The following SLC2A13 variants were observed in gnomAD, a reference collection of about 807,000 sequenced individuals.
SLC2A13 encodes solute carrier family 2 member 13.
A neutral mutation model predicts 64.4 loss-of-function variants in SLC2A13; 32 were observed. That is an observed-to-expected ratio of 0.50 (90% CI 0.37 to 0.67). The LOEUF (loss-of-function observed/expected upper bound fraction) is 0.67. SLC2A13 is among the 30% of genes least tolerant of loss of function. The pLI is 0.00. For missense variants in SLC2A13, 743 were observed against 829.2 expected (o/e 0.90, Z 1.28); for synonymous variants, 338 against 327.1 (o/e 1.03, Z -0.36).
At chr12:40,016,561 G>C (rs1404058898) in intron 3 of SLC2A13, among the ~76,000 whole-genome samples, 2 of 152,156 alleles carry the variant, frequency 1.3e-5, no homozygotes, top group African/African-American at 4.8e-5. Flanking sequence ...GTCATAGCTA[G>C]TGAAAATATA....
At position 39,756,639 on chromosome 12, in the gene SLC2A13, G is replaced by A. The variant is rs908340112; in HGVS notation, c.*3387C>T. On this transcript the variant is annotated 3_prime_UTR_variant, in exon 10 of 10. Coordinates refer to ENST00000280871, the MANE Select transcript of SLC2A13 (RefSeq NM_052885.4). ...ATTCTTCCATTTCCACCAACTTCTG[G>A]ATCTGTGAGTTATTCTAATATATTT... The A allele has an allele frequency of 1.3e-5, 2 of 151,572 alleles. No individual in the cohort carries two copies. Among genetic ancestry groups the A allele is most frequent in the East Asian group, 1.9e-4 (1 of 5,302 alleles). The allele number at this position is 151,572 out of a possible 1,614,324, so 9.4% of individuals were successfully genotyped here.
intron 4 of SLC2A13, among the ~76,000 whole-genome samples, chr12:39,946,531 TG>T (rs1351985107): frequency 6.6e-6 from 1 of 152,168 alleles, no homozygotes; most frequent in Non-Finnish European, 1.5e-5. Flanking sequence ...GGGCGGGTCT[TG>T]CTGTGGCTGC....
chr12:39,939,338 T>TA (rs1367555998), intron 4 of SLC2A13, among the ~76,000 whole-genome samples: 1 of 152,232 alleles, frequency 6.6e-6, no homozygotes, highest in East Asian at 1.9e-4. Flanking sequence ...TAGCTCGCTA[T>TA]AAAGGCATTC....
At chr12:39,976,113 C>A (rs559463289) in intron 3 of SLC2A13, among the ~76,000 whole-genome samples, 1 of 152,324 alleles carries the variant, frequency 6.6e-6, no homozygotes, top group Admixed American at 6.5e-5. Context: ...AAACAGACAG[C>A]CCACCCTTAG....
intron 1 of SLC2A13, among the ~76,000 whole-genome samples, chr12:40,056,049 C>T (rs994033814): frequency 6.6e-6 from 1 of 150,712 alleles, no homozygotes; most frequent in Non-Finnish European, 1.5e-5. Context: ...CACATCTCTA[C>T]AGAGCCACAT....
chr12:40,058,826 C>T (rs1425669311), intron 1 of SLC2A13, among the ~76,000 whole-genome samples: 1 of 152,168 alleles, frequency 6.6e-6, no homozygotes, highest in South Asian at 2.1e-4. Flanking sequence ...TTCTGAGAAA[C>T]AGACTCTACA....
At chr12:39,977,514 G>A (rs762871402) in intron 3 of SLC2A13, among the ~76,000 whole-genome samples, 1 of 152,160 alleles carries the variant, frequency 6.6e-6, no homozygotes, top group African/African-American at 2.4e-5. Flanking sequence ...CATCAAGAAC[G>A]GTTATTAAAT....
chr12:39,772,385 T>TATAGAA (rs1368358505), intron 7 of SLC2A13, among the ~76,000 whole-genome samples: 1 of 152,138 alleles, frequency 6.6e-6, no homozygotes, highest in African/African-American at 2.4e-5. Flanking sequence ...TATAAGGGCT[T>TATAGAA]GCCAAAAGAA....
Position 39,759,999 on chromosome 12 carries a change from A to C in SLC2A13, c.*27T>G, listed in dbSNP as rs146214269. ...GTTCTTCTCCCCCCAGTTTGTTTAA[A>C]TAACTAAATATATGAGCAGCTGAAA... is the stretch of plus-strand genomic sequence containing the variant. On this transcript the variant is annotated 3_prime_UTR_variant, in exon 10 of 10. Transcript: ENST00000280871. 4.6e-4 allele frequency: 732 copies of C among 1,578,748 alleles called. 1 individual carries two copies. Among genetic ancestry groups the C allele is most frequent in the Non-Finnish European group, 5.9e-4 (684 of 1,150,130 alleles).
At chr12:39,933,074 C>G (rs1945856683) in intron 4 of SLC2A13, among the ~76,000 whole-genome samples, 2 of 151,742 alleles carry the variant, frequency 1.3e-5, no homozygotes, top group Non-Finnish European at 2.9e-5. Flanking sequence ...AAAAAAAATA[C>G]AAAAATTAGC....
At chr12:39,895,931 T>C (rs1944803840) in intron 4 of SLC2A13, among the ~76,000 whole-genome samples, 1 of 151,016 alleles carries the variant, frequency 6.6e-6, no homozygotes, top group African/African-American at 2.4e-5. Context: ...TATGTGTATA[T>C]GTGTATATAT....
At chr12:39,931,025 TAATA>T (rs1229539612) in intron 4 of SLC2A13, among the ~76,000 whole-genome samples, 2 of 152,238 alleles carry the variant, frequency 1.3e-5, no homozygotes, top group South Asian at 4.1e-4. Context: ...ATTGGCCTTC[TAATA>T]AATATGTTAA....
At chr12:39,899,188 C>T (rs1368168081) in intron 4 of SLC2A13, among the ~76,000 whole-genome samples, 2 of 152,152 alleles carry the variant, frequency 1.3e-5, no homozygotes, top group Admixed American at 6.6e-5. Context: ...AGAGATTGAA[C>T]TTCTTCCTGG....
At chr12:39,882,222 T>G (rs1944356710) in intron 4 of SLC2A13, among the ~76,000 whole-genome samples, 1 of 152,204 alleles carries the variant, frequency 6.6e-6, no homozygotes, top group African/African-American at 2.4e-5. Flanking sequence ...CAGGATCTCC[T>G]GGAAGACTTG....
At chr12:39,838,346 TG>T (rs1943077568) in intron 6 of SLC2A13, among the ~76,000 whole-genome samples, 1 of 56,728 alleles carries the variant, frequency 1.8e-5, no homozygotes, top group South Asian at 7.4e-4. Flanking sequence ...TGTGGTGGGG[TG>T]GGGGGAGGGG....
At chr12:39,828,366 C>T (rs116963241) in intron 7 of SLC2A13, among the ~76,000 whole-genome samples, 2,295 of 151,514 alleles carry the variant, frequency 0.015, 27 homozygotes, top group Middle Eastern at 0.024. Flanking sequence ...CTGTGCCTTA[C>T]TTTTCTCTAA....
intron 3 of SLC2A13, among the ~76,000 whole-genome samples, chr12:39,962,518 G>T (rs779160397): frequency 1.3e-5 from 2 of 152,166 alleles, no homozygotes; most frequent in Non-Finnish European, 2.9e-5. Context: ...ATGCATCTCT[G>T]CCTGAACTCC....
rs552273178 is a variant in SLC2A13 at position 39,858,890 on chromosome 12, C to T, written c.1319+5872G>A. Among the ~76,000 whole-genome samples, 23 of 152,116 alleles carry T rather than the reference C, an allele frequency of 1.5e-4. No individual in the cohort carries two copies. In the East Asian group the frequency reaches 1.5e-3, roughly 10 times the overall value. On this transcript the variant is annotated intron_variant, in intron 6 of 9. Transcript: ENST00000280871. The stretch of plus-strand genomic sequence containing the variant: ...CAAAGTGCTGGGATTACAGGTGTGA[C>T]GCACCGTGCCCGACCGTTTTTACAC...
intron 4 of SLC2A13, among the ~76,000 whole-genome samples, chr12:39,945,184 C>T (rs1946113318): frequency 6.6e-6 from 1 of 152,176 alleles, no homozygotes; most frequent in African/African-American, 2.4e-5. Context: ...GAAGATGGGT[C>T]CTCAATCCTT....
Sources: allele counts gnomAD v4.1 joint callset (sites outside exome capture counted in the v4.1 genomes callset), GRCh38; gene constraint gnomAD v4.1.1; transcripts MANE v1.5; gene names NCBI Gene and HGNC (gene_info 2026-07-23, HGNC 2026-07-21).